The following NCKAP1 variants were observed in gnomAD, a reference collection of about 807,000 sequenced individuals.
NCKAP1 encodes the protein NCK associated protein 1, also known as nck-associated protein 1.
A neutral mutation model predicts 151.2 loss-of-function variants in NCKAP1; 21 were observed. The ratio of observed to expected loss-of-function variants is 0.14; its 90% CI spans 0.10 to 0.20. The LOEUF (loss-of-function observed/expected upper bound fraction) is 0.20. Ranked by LOEUF, NCKAP1 falls within the 10% of genes least tolerant of loss-of-function variation. The pLI is 1.00. For missense variants in NCKAP1, 933 were observed against 1,352.1 expected (o/e 0.69, Z 4.86); for synonymous variants, 484 against 451.8 (o/e 1.07, Z -0.90).
intron 15 of NCKAP1, among the ~76,000 whole-genome samples, chr2:182,969,480 G>A (rs1462283769): frequency 6.6e-6 from 1 of 151,572 alleles, no homozygotes; most frequent in Non-Finnish European, 1.5e-5. Flanking sequence ...TATTAATAAA[G>A]TAGAAAGACC....
chr2:183,011,598 TC>T (rs1370960346), intron 2 of NCKAP1, among the ~76,000 whole-genome samples: 24 of 152,364 alleles, frequency 1.6e-4, no homozygotes, highest in Admixed American at 5.2e-4. Flanking sequence ...CGTAGTTTGT[TC>T]CTTTTAATTG....
At chr2:183,009,053 A>G (rs1698535711) in intron 2 of NCKAP1, among the ~76,000 whole-genome samples, 1 of 152,100 alleles carries the variant, frequency 6.6e-6, no homozygotes, top group South Asian at 2.1e-4. Context: ...CATTTTTCTG[A>G]GGAAACTGTA....
chr2:183,026,544 T>C (rs1049063812), intron 1 of NCKAP1, among the ~76,000 whole-genome samples: 1 of 151,704 alleles, frequency 6.6e-6, no homozygotes, highest in African/African-American at 2.4e-5. Context: ...CTGCTTTCCC[T>C]GGAATTGATT....
At chr2:183,008,286 G>A (rs1487346847) in intron 2 of NCKAP1, among the ~76,000 whole-genome samples, 1 of 152,194 alleles carries the variant, frequency 6.6e-6, no homozygotes, top group East Asian at 1.9e-4. Flanking sequence ...CTGATGTTAT[G>A]CAAGATGTTT....
intron 23 of NCKAP1, among the ~76,000 whole-genome samples, chr2:182,949,409 T>C (rs769793898): frequency 1.3e-5 from 2 of 152,290 alleles, no homozygotes; most frequent in Non-Finnish European, 1.5e-5. Flanking sequence ...TGGCCTCACT[T>C]TCCTAATTTG....
At chr2:183,000,307 G>T (rs1215654147) in intron 6 of NCKAP1, among the ~76,000 whole-genome samples, 1 of 152,146 alleles carries the variant, frequency 6.6e-6, no homozygotes, top group African/African-American at 2.4e-5. Flanking sequence ...TACTGAATTT[G>T]TTAATGTGCT....
intron 17 of NCKAP1, among the ~76,000 whole-genome samples, chr2:182,963,484 T>C (rs1203903453): frequency 2.0e-5 from 3 of 152,160 alleles, no homozygotes; most frequent in Non-Finnish European, 4.4e-5. Flanking sequence ...CTCTCTATTA[T>C]CTGACCTCTG....
At chr2:182,954,164 T>C (rs889313123) in intron 20 of NCKAP1, among the ~76,000 whole-genome samples, 1 of 152,002 alleles carries the variant, frequency 6.6e-6, no homozygotes, top group African/African-American at 2.4e-5. Context: ...TGACCGCAGA[T>C]CTGCCTGACT....
chr2:182,989,542 C>A (rs1259087889), intron 8 of NCKAP1, among the ~76,000 whole-genome samples: 2 of 152,052 alleles, frequency 1.3e-5, no homozygotes, highest in Non-Finnish European at 2.9e-5. Flanking sequence ...GTTATAATAA[C>A]TTAAAAATAA....
chr2:183,019,826 C>T (rs940148721), intron 2 of NCKAP1, among the ~76,000 whole-genome samples: 1 of 152,110 alleles, frequency 6.6e-6, no homozygotes, highest in Admixed American at 6.6e-5. Flanking sequence ...AACCTCATTC[C>T]TTGGTCCTAG....
At chr2:182,945,053 G>T (rs1697073143) in intron 23 of NCKAP1, among the ~76,000 whole-genome samples, 2 of 152,082 alleles carry the variant, frequency 1.3e-5, no homozygotes, top group South Asian at 4.2e-4. Flanking sequence ...TGTCCAACAT[G>T]GTGAAACACC....
rs137922836 is a variant in NCKAP1 at position 182,985,059 on chromosome 2, C to T, written c.1004+1112G>A. ...AGGAATTCTAACAAACTCCAAAGTA[C>T]GTTATCTGCACTAGAAATCATTTTT... On this transcript the variant is annotated intron_variant, in intron 10 of 30. Transcript: ENST00000361354. 6.3e-3 allele frequency among the ~76,000 whole-genome samples: 958 copies of T among 152,238 alleles called. 9 individuals are homozygous for T. Among genetic ancestry groups the T allele is most frequent in the African/African-American group, 0.022 (909 of 41,538 alleles).
chr2:182,962,042 A>T (rs1263299823), intron 18 of NCKAP1, 117 bp downstream of exon 18: 2 of 1,051,336 alleles, frequency 1.9e-6, no homozygotes, highest in African/African-American at 3.2e-5. Context: ...CAGAGGTTTG[A>T]GGTTTACTAA....
chr2:183,008,773 C>G (rs367586069), intron 2 of NCKAP1, among the ~76,000 whole-genome samples: 1 of 152,108 alleles, frequency 6.6e-6, no homozygotes, highest in East Asian at 1.9e-4. Flanking sequence ...TTGATTTAAT[C>G]CCTTGAATAA....
chr2:183,009,475 G>GAAGGAAGGAAGGAAGGAAGGTAGCAAGC (rs1485338665), intron 2 of NCKAP1, among the ~76,000 whole-genome samples: 2 of 100,226 alleles, frequency 2.0e-5, no homozygotes, highest in Admixed American at 9.8e-5. Flanking sequence ...AGGAAGGAAG[G>GAAGGAAGGAAGGAAGGAAGGTAGCAAGC]AAGCAAGCAA....
rs1472342504 is a variant in NCKAP1 at position 182,923,225 on chromosome 2, T to C, written c.*2477A>G. 1.3e-5 allele frequency: 2 copies of C among 151,976 alleles called. No individual in the cohort carries two copies. Among genetic ancestry groups the C allele is most frequent in the Admixed American group, 6.6e-5 (1 of 15,254 alleles). 9.4% of individuals were successfully genotyped at this position (151,976 alleles called of 1,614,324 possible). ...TTACCAAGATATAGATATACATTTA[T>C]AATAATGAAAAGAAATTGTCTAAAA... On this transcript the variant is annotated 3_prime_UTR_variant, in exon 31 of 31. Transcript: ENST00000361354.
At chr2:183,004,867 G>C (rs1162525098) in intron 2 of NCKAP1, among the ~76,000 whole-genome samples, 1 of 135,114 alleles carries the variant, frequency 7.4e-6, no homozygotes, top group African/African-American at 2.8e-5. Flanking sequence ...CTGGGTGACA[G>C]AGATGAGACT....
intron 1 of NCKAP1, among the ~76,000 whole-genome samples, chr2:183,030,642 C>T (rs1007483828): frequency 2.0e-5 from 3 of 152,104 alleles, no homozygotes; most frequent in Non-Finnish European, 2.9e-5. Flanking sequence ...AAACACCACA[C>T]GTTTTGCAAA....
intron 1 of NCKAP1, among the ~76,000 whole-genome samples, chr2:183,037,669 T>C (rs567671431): frequency 5.3e-5 from 8 of 152,180 alleles, no homozygotes; most frequent in Admixed American, 2.6e-4. Context: ...GGCCCCATCA[T>C]GGGGGCGGGG....
Sources: gnomAD v4.1 joint callset for allele counts (sites outside exome capture counted in the v4.1 genomes callset) on GRCh38, gnomAD v4.1.1 for gene constraint, MANE v1.5 for transcripts, NCBI Gene and HGNC (gene_info 2026-07-23, HGNC 2026-07-21) for gene names.